The following RALGPS1 variants were observed in gnomAD, a reference collection of about 807,000 sequenced individuals.
RALGPS1 encodes the protein ras-specific guanine nucleotide-releasing factor RalGPS1.
Under a neutral mutation model 78.8 loss-of-function variants are expected in RALGPS1, and 19 were observed. The observed-to-expected ratio is 0.24, with a 90% CI of 0.17 to 0.35. RALGPS1 has a LOEUF of 0.35. RALGPS1 is among the 10% of genes least tolerant of loss of function. The pLI is 1.00. For missense variants in RALGPS1, 454 were observed against 688.3 expected (o/e 0.66, Z 3.81); for synonymous variants, 228 against 256.3 (o/e 0.89, Z 1.06).
At position 127,212,139 on chromosome 9, in the gene RALGPS1, G is replaced by A. The variant is rs749371441; in HGVS notation, c.1256G>A (p.Gly419Asp). ...EMSSGLESPTGPCICSLGNSA... is the reference protein window; with the variant it reads ...EMSSGLESPTDPCICSLGNSA... ...TGGTAGTCTCTCCTCAGCCCCACCG[G>A]CCCGTGCATCTGTTCTCTGGGGAAC... is the stretch of plus-strand genomic sequence containing the variant. The change falls in exon 15 of 19, where the codon GGC becomes GAC. Residue 419 changes from glycine to aspartate, a missense_variant. Gly to Asp is a moderately conservative substitution (Grantham distance 94). Coordinates refer to ENST00000259351, the MANE Select transcript of RALGPS1 (RefSeq NM_014636.3). The surrounding 1 kb of genome is among the most constrained non-coding windows in gnomAD (Gnocchi z 6.0). 2 of 1,612,562 alleles carry A rather than the reference G, an allele frequency of 1.2e-6. No homozygotes were observed. Among genetic ancestry groups the A allele is most frequent in the Non-Finnish European group, 8.5e-7 (1 of 1,179,404 alleles).
chr9:127,104,813 A>T (rs998577836), intron 8 of RALGPS1, among the ~76,000 whole-genome samples: 1 of 152,240 alleles, frequency 6.6e-6, no homozygotes, highest in Non-Finnish European at 1.5e-5. Flanking sequence ...CAAGGCTCGG[A>T]TGCAAAGGTG....
intron 13 of RALGPS1, 102 bp downstream of exon 13, chr9:127,196,733 C>T: frequency 7.3e-7 from 1 of 1,373,240 alleles, no homozygotes; most frequent in South Asian, 1.5e-5. Context: ...GTGGCGCTAT[C>T]ATTCTTGGGG....
intron 1 of RALGPS1, among the ~76,000 whole-genome samples, chr9:126,960,212 C>CCTCT (rs1564310386): frequency 1.1e-4 from 6 of 56,310 alleles, no homozygotes; most frequent in Non-Finnish European, 1.9e-4. Flanking sequence ...TCCCTCCCTC[C>CCTCT]CTCCCTCCCT....
At chr9:126,992,247 A>G (rs774232879) in intron 4 of RALGPS1, among the ~76,000 whole-genome samples, 2 of 152,224 alleles carry the variant, frequency 1.3e-5, no homozygotes, top group East Asian at 1.9e-4. Context: ...ACAGCATGAG[A>G]TTATTTTCAG....
chr9:127,120,481 G>T (rs907361787), intron 8 of RALGPS1, among the ~76,000 whole-genome samples: 2 of 152,188 alleles, frequency 1.3e-5, no homozygotes, highest in African/African-American at 2.4e-5. Flanking sequence ...TCTCTGTCTC[G>T]TGGGATTTTC....
intron 4 of RALGPS1, among the ~76,000 whole-genome samples, chr9:127,020,290 C>T (rs1033738670): frequency 9.2e-5 from 14 of 152,094 alleles, no homozygotes; most frequent in East Asian, 3.8e-4. Context: ...GAAGGCAGTG[C>T]GAAGATTAGG....
chr9:127,004,091 A>C lies in RALGPS1; in HGVS notation c.216+26346A>C, dbSNP rs183845510. ...GTATCAGTTACTTTGCCGTAGACAG[A>C]GTCAAAGTCTCTTTTCTTTCTCTTC... On this transcript the variant is annotated intron_variant, in intron 4 of 18. Transcript: ENST00000259351. Among the ~76,000 whole-genome samples the C allele has an allele frequency of 2.4e-3, 370 of 152,274 alleles. 3 individuals are homozygous for C. The highest frequency in any genetic ancestry group is 8.4e-3 in the African/African-American group (349 of 41,558).
chr9:127,129,158 AT>A (rs2056832823), intron 8 of RALGPS1, among the ~76,000 whole-genome samples: 1 of 152,174 alleles, frequency 6.6e-6, no homozygotes, highest in African/African-American at 2.4e-5. Flanking sequence ...TCGTAACAGT[AT>A]TTTAAGGCGT....
chr9:127,193,293 G>A (rs2140480076), intron 11 of RALGPS1, among the ~76,000 whole-genome samples: 1 of 152,366 alleles, frequency 6.6e-6, no homozygotes, highest in South Asian at 2.1e-4. Flanking sequence ...GAAGTAAAGA[G>A]TGGCAGCATT....
chr9:126,940,501 G>A (rs994118558), intron 1 of RALGPS1, among the ~76,000 whole-genome samples: 6 of 149,672 alleles, frequency 4.0e-5, no homozygotes, highest in Non-Finnish European at 8.9e-5. Flanking sequence ...GTGCAGTGGC[G>A]CGATCTTGGC....
intron 5 of RALGPS1, among the ~76,000 whole-genome samples, chr9:127,039,849 C>T (rs2047142382): frequency 6.6e-6 from 1 of 152,056 alleles, no homozygotes; most frequent in Non-Finnish European, 1.5e-5. Flanking sequence ...AGCTGCTACA[C>T]AGGAAAGGAG....
At chr9:127,101,066 A>G (rs2053673280) in intron 8 of RALGPS1, among the ~76,000 whole-genome samples, 1 of 152,144 alleles carries the variant, frequency 6.6e-6, no homozygotes, top group African/African-American at 2.4e-5. Context: ...CAAGGCCCTT[A>G]CCTTCCTCAT....
chr9:127,053,211 G>A (rs531953213), intron 7 of RALGPS1, among the ~76,000 whole-genome samples: 6 of 152,272 alleles, frequency 3.9e-5, no homozygotes, highest in African/African-American at 1.2e-4. Context: ...GTGATGACCG[G>A]GTCAGCGGCA....
intron 4 of RALGPS1, among the ~76,000 whole-genome samples, chr9:127,004,335 A>G (rs766473745): frequency 3.3e-5 from 5 of 152,126 alleles, no homozygotes; most frequent in Non-Finnish European, 7.4e-5. Flanking sequence ...TAGTAGAGAC[A>G]GTGTTTCGCA....
intron 4 of RALGPS1, among the ~76,000 whole-genome samples, chr9:127,008,074 G>A (rs1367922976): frequency 6.6e-6 from 1 of 151,290 alleles, no homozygotes; most frequent in African/African-American, 2.4e-5. Flanking sequence ...GGATGTGGAT[G>A]TTGTGAGAGA....
At chr9:126,956,007 C>G (rs1039024648) in intron 1 of RALGPS1, among the ~76,000 whole-genome samples, 2 of 152,260 alleles carry the variant, frequency 1.3e-5, no homozygotes, top group Non-Finnish European at 2.9e-5. Context: ...TCTTCAGTTC[C>G]TGCCTGTGCA....
chr9:127,192,591 G>A (rs116398004), intron 11 of RALGPS1, among the ~76,000 whole-genome samples: 1,891 of 152,254 alleles, frequency 0.012, 44 homozygotes, highest in African/African-American at 0.043. Context: ...CGGGGAGGTC[G>A]AGGCTGCAGC....
chr9:127,216,990 C>G, intron 18 of RALGPS1: 1 of 1,539,442 alleles, frequency 6.5e-7, no homozygotes, highest in Non-Finnish European at 8.8e-7. Flanking sequence ...GGAGGCAGGG[C>G]CCTGTGCCTG....
intron 8 of RALGPS1, among the ~76,000 whole-genome samples, chr9:127,106,602 G>A (rs747367157): frequency 6.6e-6 from 1 of 152,198 alleles, no homozygotes; most frequent in Non-Finnish European, 1.5e-5. Context: ...GGTGGAAACC[G>A]GATTTAAATC....
Sources: allele counts gnomAD v4.1 joint callset (sites outside exome capture counted in the v4.1 genomes callset), GRCh38; gene constraint gnomAD v4.1.1; non-coding constraint Gnocchi (gnomAD v3.1); transcripts MANE v1.5; gene names NCBI Gene and HGNC (gene_info 2026-07-23, HGNC 2026-07-21).